LIPE: variants seen among roughly 807,000 people sequenced by gnomAD.
The protein encoded by LIPE is hormone-sensitive lipase.
A neutral mutation model predicts 88.5 loss-of-function variants in LIPE; 66 were observed. The observed-to-expected ratio is 0.75, with a 90% CI of 0.61 to 0.91. The LOEUF (loss-of-function observed/expected upper bound fraction) is 0.91. LIPE is among the 40% of genes least tolerant of loss of function. LIPE has a pLI of 0.00. For synonymous variants in LIPE, 570 were observed against 617.5 expected, an observed-to-expected ratio of 0.92 and a Z score of 1.14; for missense variants, 1,346 against 1,434.7, an observed-to-expected ratio of 0.94 and a Z score of 1.00.
rs1308590312 is a variant in LIPE at position 42,414,674 on chromosome 19, T to C, written c.884-3832A>G. Among the ~76,000 whole-genome samples the C allele has an allele frequency of 6.6e-6, 1 of 152,274 alleles. No homozygotes were observed. The highest frequency in any genetic ancestry group is 1.5e-5 in the Non-Finnish European group (1 of 68,048). On this transcript the variant is annotated intron_variant, in intron 1 of 9. Coordinates refer to ENST00000244289, the MANE Select transcript of LIPE (RefSeq NM_005357.4). This position sits in a 1 kb window ranked among gnomAD's most constrained non-coding sequence, Gnocchi z 4.6. The stretch of plus-strand genomic sequence containing the variant: ...GTCAAACCAGTCTGTTGGCACCATT[T>C]TTCTGACAGCAGTTGCTCACTTTGT...
At chr19:42,404,245 T>G (rs1451768090) in intron 8 of LIPE, among the ~76,000 whole-genome samples, 1 of 151,480 alleles carries the variant, frequency 6.6e-6, no homozygotes, top group Non-Finnish European at 1.5e-5. Context: ...GTATTTTTTT[T>G]TTTTTTGAGA....
intron 1 of LIPE, 103 bp downstream of exon 1, chr19:42,426,164 A>G: frequency 1.1e-6 from 1 of 896,944 alleles, no homozygotes; most frequent in Non-Finnish European, 1.6e-6. Flanking sequence ...GGATTGTTGA[A>G]GGATGACCAG....
At chr19:42,405,753 T>TGA in intron 7 of LIPE, 192 bp from the exon 8 acceptor site, 1 of 604,536 alleles carries the variant, frequency 1.7e-6, no homozygotes, top group Non-Finnish European at 2.9e-6. Flanking sequence ...GAGGATGGCT[T>TGA]GAGCCCAGGA....
At position 42,402,692 on chromosome 19, in the gene LIPE, G is replaced by A; in HGVS notation, c.2882C>T (p.Ser961Phe). Reference sequence around the variant, plus strand: ...GAAGGGGTTCTTGACTATGGGTGAGGAGTAGAGGGGCATCTGTGTGGCACC... The same window carrying A: ...GAAGGGGTTCTTGACTATGGGTGAGAAGTAGAGGGGCATCTGTGTGGCACC... Reference protein sequence around the residue: ...SQGATQMPLYSSPIVKNPFMS... With the variant: ...SQGATQMPLYFSPIVKNPFMS... Residue 961 changes from serine (S) to phenylalanine (F), a missense_variant, in exon 9 of 10, where the codon TCC becomes TTC. Transcript: ENST00000244289. 4 of 1,525,908 alleles carry A rather than the reference G, an allele frequency of 2.6e-6. No homozygotes were observed. The highest frequency in any genetic ancestry group is 3.5e-6 in the Non-Finnish European group (4 of 1,133,808). 94.5% of individuals were successfully genotyped at this position (1,525,908 alleles called of 1,614,324 possible). A position where few individuals can be genotyped will look rare whatever the true frequency, so the allele number is the denominator to read the frequency against.
chr19:42,419,353 G>T (rs543990748), intron 1 of LIPE, among the ~76,000 whole-genome samples: 1 of 152,352 alleles, frequency 6.6e-6, no homozygotes, highest in African/African-American at 2.4e-5. Flanking sequence ...CTGCACAAAG[G>T]AGTGGGGAAG....
chr19:42,419,846 G>A (rs759564126), intron 1 of LIPE, among the ~76,000 whole-genome samples: 1 of 151,988 alleles, frequency 6.6e-6, no homozygotes. Flanking sequence ...AAGAGCAAAC[G>A]TTGCACCAAC....
intron 1 of LIPE, chr19:42,424,725 T>G (rs930799993): frequency 2.4e-6 from 1 of 424,326 alleles, no homozygotes. Flanking sequence ...TGCGTTGGTT[T>G]TTCCCCCCAC....
At chr19:42,421,134 A>G (rs970674591) in intron 1 of LIPE, among the ~76,000 whole-genome samples, 5 of 152,030 alleles carry the variant, frequency 3.3e-5, no homozygotes, top group Non-Finnish European at 7.4e-5. Context: ...CCTGGACTCA[A>G]GGGGTCCTCC....
At chr19:42,412,565 C>T in intron 1 of LIPE, 1 of 986,666 alleles carries the variant, frequency 1.0e-6, no homozygotes, top group Non-Finnish European at 1.2e-6. Flanking sequence ...GCTCTGCCCC[C>T]CACCTGCTCC....
chr19:42,402,961 G>T lies in LIPE; in HGVS notation c.2613C>A (p.Leu871=). ...QPQGPLGTDS[L]KNLTLRDLSL... ...TCAAGTCCCTCAGGGTCAGGTTCTT[G>T]AGGGAATCCGTGCCCAGTGGGCCCT... The change falls in exon 9 of 10, where the codon CTC becomes CTA. Residue 871 remains leucine (L), a synonymous_variant. Transcript: ENST00000244289. 1 of 1,606,966 alleles carries T rather than the reference G, an allele frequency of 6.2e-7. No individual in the cohort carries two copies.
At chr19:42,424,635 T>G (rs1045928397) in intron 1 of LIPE, 1 of 456,202 alleles carries the variant, frequency 2.2e-6, no homozygotes, top group Non-Finnish European at 4.4e-6. Flanking sequence ...CAAGACAGAC[T>G]GGCCTCTGGG....
Position 42,407,034 on chromosome 19 carries a change from G to T in LIPE, c.2137+140C>A. The T allele has an allele frequency of 1.4e-6, 1 of 737,252 alleles. No homozygotes were observed. Among genetic ancestry groups the T allele is most frequent in the Non-Finnish European group, 2.2e-6 (1 of 465,112 alleles). The allele number at this position is 737,252 out of a possible 1,614,324, so 45.7% of individuals were successfully genotyped here. A position where few individuals can be genotyped will look rare whatever the true frequency, so the allele number is the denominator to read the frequency against. ...GATAAAGTGGCTGAGGTGGAAGATT[G>T]GGCAGGACCTGGGTGAGCAGGAGCT... On this transcript the variant is annotated intron_variant, in intron 6 of 9. Coordinates refer to ENST00000244289, the MANE Select transcript of LIPE (RefSeq NM_005357.4). The surrounding 1 kb of genome is among the most constrained non-coding windows in gnomAD (Gnocchi z 5.8).
intron 1 of LIPE, among the ~76,000 whole-genome samples, chr19:42,416,455 T>C (rs1356490649): frequency 6.6e-6 from 1 of 152,196 alleles, no homozygotes; most frequent in Admixed American, 6.5e-5. Flanking sequence ...AAGCAACATA[T>C]TTTCAGTGTA....
intron 1 of LIPE, chr19:42,424,307 T>C (rs1265421447): frequency 2.2e-6 from 1 of 461,752 alleles, no homozygotes; most frequent in Non-Finnish European, 4.3e-6. Context: ...GCTTGAGAAA[T>C]GGCGGGAAAC....
Position 42,410,910 on chromosome 19 carries a change from T to TC in LIPE, c.884-69dup. 7.1e-7 allele frequency: 1 copy of TC among 1,417,900 alleles called. No individual in the cohort carries two copies. The highest frequency in any genetic ancestry group is 9.5e-7 in the Non-Finnish European group (1 of 1,055,660). 87.8% of individuals were successfully genotyped at this position (1,417,900 alleles called of 1,614,324 possible). On this transcript the variant is annotated intron_variant, in intron 1 of 9. Transcript: ENST00000244289. This position sits in a 1 kb window ranked among gnomAD's most constrained non-coding sequence, Gnocchi z 6.1. Reference sequence around the variant, plus strand: ...GCCTTGCTTAGCTGGGGCCCAGGAGTCTGGGCCATAGCTTACCCACTCCTC... The same window carrying TC: ...GCCTTGCTTAGCTGGGGCCCAGGAGTCCTGGGCCATAGCTTACCCACTCCTC...
At chr19:42,422,343 C>T (rs748133534) in intron 1 of LIPE, among the ~76,000 whole-genome samples, 1 of 152,154 alleles carries the variant, frequency 6.6e-6, no homozygotes, top group Non-Finnish European at 1.5e-5. Context: ...CCTGAGGAAC[C>T]GGATCTCCGA....
At position 42,424,255 on chromosome 19, in the gene LIPE, C is replaced by A. The variant is rs36084626; in HGVS notation, c.883+2012G>T. On this transcript the variant is annotated intron_variant, in intron 1 of 9. Coordinates refer to ENST00000244289, the MANE Select transcript of LIPE (RefSeq NM_005357.4). Reference sequence around the variant, plus strand: ...TCGGCGCCTGCGCACTAGCTTCAGGCCGCGGGCCGGCCCAAGAGCGGAGGT... The same window carrying A: ...TCGGCGCCTGCGCACTAGCTTCAGGACGCGGGCCGGCCCAAGAGCGGAGGT... 1,517 of 562,900 alleles carry A rather than the reference C, an allele frequency of 2.7e-3. 18 individuals are homozygous for A. Among genetic ancestry groups the A allele is most frequent in the African/African-American group, 0.027 (1,385 of 52,140 alleles). 34.9% of individuals were successfully genotyped at this position (562,900 alleles called of 1,614,324 possible). A position where few individuals can be genotyped will look rare whatever the true frequency, so the allele number is the denominator to read the frequency against.
In LIPE at chr19:42,410,412, C is replaced by T. The variant is rs763013832; in HGVS notation, c.1314G>A (p.Pro438=). 3.1e-5 allele frequency: 50 copies of T among 1,614,200 alleles called. No individual in the cohort carries two copies. In the East Asian group the frequency reaches 5.1e-4, roughly 17 times the overall value. The change falls in exon 2 of 10, where the codon CCG becomes CCA. Residue 438 remains proline (P), a synonymous_variant. Coordinates refer to ENST00000244289, the MANE Select transcript of LIPE (RefSeq NM_005357.4). This position sits in a 1 kb window ranked among gnomAD's most constrained non-coding sequence, Gnocchi z 6.1. ...CGTCGCCCTCAAAGAAGAGTACCCC[C>T]GGCCGATTGGTAACCAGCAGGCGCT... The part of the protein sequence containing the change: ...YAQRLLVTNR[P]GVLFFEGDEG...
chr19:42,411,418 G>A (rs557532479), intron 1 of LIPE: 1 of 757,896 alleles, frequency 1.3e-6, no homozygotes, highest in Non-Finnish European at 1.6e-6. Context: ...CCCATTCTCA[G>A]GACCCAGGAG....
Sources: gnomAD v4.1 joint callset for allele counts (sites outside exome capture counted in the v4.1 genomes callset) on GRCh38, gnomAD v4.1.1 for gene constraint, Gnocchi (gnomAD v3.1) non-coding constraint, MANE v1.5 for transcripts, NCBI Gene and HGNC (gene_info 2026-07-23, HGNC 2026-07-21) for gene names.